The following ELP4 variants were observed in gnomAD, a reference collection of about 807,000 sequenced individuals.
ELP4 encodes the protein elongator acetyltransferase complex subunit 4, also known as elongator complex protein 4.
A neutral mutation model predicts 48.9 loss-of-function variants in ELP4; 51 were observed. The observed-to-expected ratio is 1.04, with a 90% confidence interval of 0.83 to 1.32. The LOEUF (loss-of-function observed/expected upper bound fraction) is 1.32, where lower values mean the gene tolerates loss of function less well. Among genes scored for constraint, ELP4 ranks in the 40% most tolerant of loss-of-function variants. The pLI is 0.00. For synonymous variants in ELP4, 210 were observed against 189.2 expected (o/e 1.11, Z -0.90); for missense variants, 519 against 514.6 (o/e 1.01, Z -0.08).
At chr11:31,700,905 T>A (rs900801068) in intron 9 of ELP4, among the ~76,000 whole-genome samples, 2 of 152,072 alleles carry the variant, frequency 1.3e-5, no homozygotes, top group African/African-American at 4.8e-5. Flanking sequence ...TCATATATAG[T>A]ATAAATGTGA....
chr11:31,565,323 G>T (rs1282472339), intron 3 of ELP4, among the ~76,000 whole-genome samples: 14 of 151,906 alleles, frequency 9.2e-5, no homozygotes, highest in East Asian at 1.9e-4. Flanking sequence ...TTCTGTAGGT[G>T]GCCTGTTCAC....
chr11:31,761,193 C>G (rs149031863), intron 9 of ELP4, among the ~76,000 whole-genome samples: 32 of 152,180 alleles, frequency 2.1e-4, no homozygotes, highest in African/African-American at 7.7e-4. Flanking sequence ...CAAAAATTAG[C>G]TGGGCATGGT....
At chr11:31,677,471 A>T (rs1282363597) in intron 9 of ELP4, among the ~76,000 whole-genome samples, 1 of 152,198 alleles carries the variant, frequency 6.6e-6, no homozygotes, top group Non-Finnish European at 1.5e-5. Context: ...ACGCCCACGT[A>T]GCTATTGGAA....
chr11:31,783,625 C>A lies in ELP4; in HGVS notation c.*101C>A. The A allele has an allele frequency of 9.1e-7, 1 of 1,099,626 alleles. No homozygotes were observed. Among genetic ancestry groups the A allele is most frequent in the Non-Finnish European group, 1.3e-6 (1 of 795,866 alleles). 68.1% of individuals were successfully genotyped at this position (1,099,626 alleles called of 1,614,324 possible). A position where few individuals can be genotyped will look rare whatever the true frequency, so the allele number is the denominator to read the frequency against. On this transcript the variant is annotated 3_prime_UTR_variant, in exon 10 of 10. Coordinates refer to ENST00000640961, the MANE Select transcript of ELP4 (RefSeq NM_019040.5). ...TTTCTTAACAATTTGACCCTCCACT[C>A]CTTGAAAAACACAGGATTATAAAAT...
chr11:31,583,008 T>G (rs919318820), intron 3 of ELP4, among the ~76,000 whole-genome samples: 2 of 152,176 alleles, frequency 1.3e-5, no homozygotes, highest in Non-Finnish European at 2.9e-5. Context: ...TCAGCAGTGC[T>G]CCAGCTTCTG....
intron 9 of ELP4, among the ~76,000 whole-genome samples, chr11:31,693,455 C>T (rs1038060494): frequency 2.0e-5 from 3 of 152,044 alleles, no homozygotes; most frequent in Non-Finnish European, 4.4e-5. Context: ...TGATGGTTTC[C>T]AGCTTCATCC....
intron 9 of ELP4, among the ~76,000 whole-genome samples, chr11:31,747,002 A>G (rs781574648): frequency 1.4e-4 from 21 of 151,928 alleles, no homozygotes; most frequent in Non-Finnish European, 2.2e-4. Context: ...ACTTTTAAAT[A>G]TATATGCTAT....
intron 9 of ELP4, chr11:31,663,686 C>A (rs1245111766): frequency 6.6e-6 from 1 of 151,874 alleles, no homozygotes; most frequent in Non-Finnish European, 1.5e-5. Flanking sequence ...TGCTTATATG[C>A]ATTTTTTTAA....
chr11:31,560,703 A>AAAACAACGTTGTTTTATATATATATAT (rs1957007743), intron 3 of ELP4, among the ~76,000 whole-genome samples: 1 of 147,388 alleles, frequency 6.8e-6, no homozygotes, highest in Admixed American at 6.8e-5. Flanking sequence ...TATATATATA[A>AAAACAACGTTGTTTTATATATATATAT]AACAACGTTG....
intron 9 of ELP4, among the ~76,000 whole-genome samples, chr11:31,763,173 A>G (rs1414278695): frequency 6.6e-6 from 1 of 152,134 alleles, no homozygotes; most frequent in Non-Finnish European, 1.5e-5. Context: ...GTGATGAAAA[A>G]CAAATATCCT....
intron 9 of ELP4, among the ~76,000 whole-genome samples, chr11:31,680,968 G>C (rs10488689): frequency 6.6e-6 from 1 of 151,880 alleles, no homozygotes; most frequent in African/African-American, 2.4e-5. Flanking sequence ...ATTAGCTGAC[G>C]TATCAAAAAA....
intron 3 of ELP4, among the ~76,000 whole-genome samples, chr11:31,556,730 C>T (rs1419986915): frequency 6.6e-6 from 1 of 151,866 alleles, no homozygotes; most frequent in Non-Finnish European, 1.5e-5. Flanking sequence ...GTTGCATTAA[C>T]TTTCGAATTA....
intron 3 of ELP4, among the ~76,000 whole-genome samples, chr11:31,540,799 T>G (rs1173836097): frequency 6.6e-6 from 1 of 152,226 alleles, no homozygotes. Flanking sequence ...ATATTACCAG[T>G]ATGCCAGAGG....
intron 9 of ELP4, among the ~76,000 whole-genome samples, chr11:31,708,692 G>T (rs1592242458): frequency 6.6e-6 from 1 of 152,166 alleles, no homozygotes; most frequent in East Asian, 1.9e-4. Flanking sequence ...CAGTAAGAAA[G>T]TTGAGCAGTA....
At chr11:31,694,594 C>T (rs1263244767) in intron 9 of ELP4, among the ~76,000 whole-genome samples, 5 of 152,088 alleles carry the variant, frequency 3.3e-5, no homozygotes, top group South Asian at 2.1e-4. Flanking sequence ...AGTCAGGCTG[C>T]GATATGCCTC....
intron 9 of ELP4, among the ~76,000 whole-genome samples, chr11:31,728,371 A>T (rs1424187527): frequency 1.3e-5 from 2 of 152,206 alleles, no homozygotes; most frequent in Non-Finnish European, 2.9e-5. Context: ...CTTGGTAGAC[A>T]TTTATGCTTT....
chr11:31,750,416 A>G (rs779126360), intron 9 of ELP4, among the ~76,000 whole-genome samples: 2 of 151,798 alleles, frequency 1.3e-5, no homozygotes, highest in Admixed American at 6.6e-5. Flanking sequence ...TTTTTAGTAC[A>G]TGATTACCTC....
chr11:31,787,990 A>G lies in ELP4; in HGVS notation c.*4466A>G, dbSNP rs1030244912. 9.0e-6 allele frequency: 2 copies of G among 222,654 alleles called. No homozygotes were observed. Among genetic ancestry groups the G allele is most frequent in the African/African-American group, 4.5e-5 (2 of 44,758 alleles). The allele number at this position is 222,654 out of a possible 1,614,324, so 13.8% of individuals were successfully genotyped here. A position where few individuals can be genotyped will look rare whatever the true frequency, so the allele number is the denominator to read the frequency against. On this transcript the variant is annotated 3_prime_UTR_variant, in exon 10 of 10. Coordinates refer to ENST00000640961, the MANE Select transcript of ELP4 (RefSeq NM_019040.5). ...TGCAAGCATTTTAATCTAGACTGCC[A>G]GAACCCCCAGGCTTTTTAGTGAAGT...
chr11:31,736,778 T>C (rs1947327998), intron 9 of ELP4, among the ~76,000 whole-genome samples: 1 of 152,194 alleles, frequency 6.6e-6, no homozygotes, highest in South Asian at 2.1e-4. Context: ...CACAATGAGA[T>C]ACCATCTCAC....
Sources: allele counts gnomAD v4.1 joint callset (sites outside exome capture counted in the v4.1 genomes callset), GRCh38; gene constraint gnomAD v4.1.1; transcripts MANE v1.5; gene names NCBI Gene and HGNC (gene_info 2026-07-23, HGNC 2026-07-21).